Variants in ROBO1 observed in about 807,000 individuals in gnomAD.
ROBO1 encodes the protein roundabout guidance receptor 1, also known as roundabout homolog 1.
Under a neutral mutation model 195.9 loss-of-function variants are expected in ROBO1, and 149 were observed. The observed-to-expected ratio is 0.76, with a 90% confidence interval of 0.67 to 0.87. ROBO1 has a LOEUF of 0.87. Among genes scored for constraint, ROBO1 ranks in the 40% least tolerant of loss-of-function variants. The probability of loss-of-function intolerance (pLI) is 0.00; values close to 1 mark genes in which losing one functional copy is unlikely to be tolerated. For missense variants in ROBO1, 1,933 were observed against 2,068.3 expected (o/e 0.93, Z 1.27); for synonymous variants, 816 against 733.2 (o/e 1.11, Z -1.82).
intron 2 of ROBO1, among the ~76,000 whole-genome samples, chr3:79,416,465 C>T (rs923279718): frequency 6.8e-6 from 1 of 147,230 alleles, no homozygotes; most frequent in African/African-American, 2.5e-5. Context: ...ACAACAACAA[C>T]AAAAAATTAG....
chr3:79,105,822 G>T (rs1379524021), intron 3 of ROBO1, among the ~76,000 whole-genome samples: 1 of 151,714 alleles, frequency 6.6e-6, no homozygotes, highest in Non-Finnish European at 1.5e-5. Context: ...TCAGCGTAGT[G>T]TTGGTTTTGG....
At chr3:79,004,802 T>C (rs1417897244) in intron 3 of ROBO1, among the ~76,000 whole-genome samples, 2 of 152,184 alleles carry the variant, frequency 1.3e-5, no homozygotes, top group Non-Finnish European at 2.9e-5. Flanking sequence ...AAATCAATAA[T>C]TCCAACATAT....
At chr3:78,767,060 G>T (rs1231171577) in intron 4 of ROBO1, among the ~76,000 whole-genome samples, 1 of 152,124 alleles carries the variant, frequency 6.6e-6, no homozygotes, top group Non-Finnish European at 1.5e-5. Context: ...GTTCATCAAT[G>T]ATATAGGTCT....
At chr3:78,673,847 C>T (rs1451971745) in intron 10 of ROBO1, among the ~76,000 whole-genome samples, 1 of 151,470 alleles carries the variant, frequency 6.6e-6, no homozygotes, top group African/African-American at 2.4e-5. Flanking sequence ...TCACATTATA[C>T]ACCAATAAAC....
At chr3:79,610,167 G>T (rs1368527477) in intron 1 of ROBO1, among the ~76,000 whole-genome samples, 3 of 151,706 alleles carry the variant, frequency 2.0e-5, no homozygotes, top group African/African-American at 7.3e-5. Flanking sequence ...CTTTATCCGT[G>T]GGGGATACAT....
At chr3:79,506,985 C>T (rs1940433698) in intron 2 of ROBO1, among the ~76,000 whole-genome samples, 1 of 152,222 alleles carries the variant, frequency 6.6e-6, no homozygotes, top group Non-Finnish European at 1.5e-5. Context: ...ACTGCCAGTG[C>T]TTTATGCAGC....
At chr3:78,766,423 C>A (rs949023479) in intron 4 of ROBO1, among the ~76,000 whole-genome samples, 7 of 152,156 alleles carry the variant, frequency 4.6e-5, no homozygotes, top group African/African-American at 1.4e-4. Context: ...AGCTTGGTCG[C>A]TGTTGGTGTA....
intron 4 of ROBO1, among the ~76,000 whole-genome samples, chr3:78,776,199 A>G (rs544914846): frequency 1.6e-4 from 24 of 152,276 alleles, no homozygotes; most frequent in African/African-American, 5.1e-4. Context: ...GACTAACTGA[A>G]TGAACCTCAA....
intron 2 of ROBO1, among the ~76,000 whole-genome samples, chr3:79,217,734 T>A (rs2082078655): frequency 6.6e-6 from 1 of 152,002 alleles, no homozygotes; most frequent in African/African-American, 2.4e-5. Context: ...GGAGGGTATC[T>A]TATTTTTATT....
chr3:79,086,428 T>C (rs895622779), intron 3 of ROBO1, among the ~76,000 whole-genome samples: 2 of 152,176 alleles, frequency 1.3e-5, no homozygotes, highest in African/African-American at 2.4e-5. Context: ...TGTTTGATGA[T>C]TACTAGAGTA....
chr3:78,683,944 A>T (rs1324250067), intron 10 of ROBO1, among the ~76,000 whole-genome samples: 1 of 152,114 alleles, frequency 6.6e-6, no homozygotes, highest in African/African-American at 2.4e-5. Flanking sequence ...TTAATTACTT[A>T]ATCCCTAAAA....
chr3:78,624,119 T>C lies in ROBO1; in HGVS notation c.3875+3202A>G, dbSNP rs376332450. ...ATAAAAAGATAACAACGTGAAAAAA[T>C]GCTGTTCAGTGAAAAGGGTAGTTTA... On this transcript the variant is annotated intron_variant, in intron 26 of 30. Transcript: ENST00000464233. Among the ~76,000 whole-genome samples, 423 of 152,178 alleles carry C rather than the reference T, an allele frequency of 2.8e-3. 4 individuals are homozygous for C. The highest frequency in any genetic ancestry group is 9.6e-3 in the African/African-American group (399 of 41,528).
chr3:79,752,360 G>T (rs1208972030), intron 1 of ROBO1, among the ~76,000 whole-genome samples: 1 of 152,062 alleles, frequency 6.6e-6, no homozygotes, highest in Non-Finnish European at 1.5e-5. Flanking sequence ...AAGCACTCTG[G>T]TAGCAATGGA....
intron 3 of ROBO1, among the ~76,000 whole-genome samples, chr3:78,964,880 C>T (rs2076602804): frequency 6.9e-6 from 1 of 145,624 alleles, no homozygotes; most frequent in Non-Finnish European, 1.5e-5. Context: ...GACAGATTCT[C>T]TCTCTGTTAC....
chr3:79,448,627 C>T (rs1484815937), intron 2 of ROBO1, among the ~76,000 whole-genome samples: 2 of 152,010 alleles, frequency 1.3e-5, no homozygotes, highest in South Asian at 2.1e-4. Flanking sequence ...TTTTCCTCAC[C>T]GCGATATGAG....
At chr3:79,136,938 T>C (rs1363537087) in intron 2 of ROBO1, among the ~76,000 whole-genome samples, 3 of 152,082 alleles carry the variant, frequency 2.0e-5, no homozygotes, top group Admixed American at 6.6e-5. Context: ...ATCTATGTAC[T>C]GTAGAACATT....
intron 1 of ROBO1, among the ~76,000 whole-genome samples, chr3:79,650,262 A>G (rs1452138937): frequency 1.3e-5 from 2 of 151,794 alleles, no homozygotes; most frequent in Non-Finnish European, 2.9e-5. Context: ...TAGATAATAA[A>G]ATGTATAATC....
chr3:79,304,901 C>T (rs2033148423), intron 2 of ROBO1, among the ~76,000 whole-genome samples: 2 of 152,152 alleles, frequency 1.3e-5, no homozygotes, highest in Non-Finnish European at 2.9e-5. Context: ...GAATGACTGG[C>T]TCATATGGTA....
At chr3:78,693,480 A>C (rs533278888) in intron 8 of ROBO1, 218 of 708,618 alleles carry the variant, frequency 3.1e-4, no homozygotes, top group Admixed American at 6.0e-4. Context: ...ACATGTTAAT[A>C]CTTGAATATA....
Sources: allele counts gnomAD v4.1 joint callset (sites outside exome capture counted in the v4.1 genomes callset), GRCh38; gene constraint gnomAD v4.1.1; transcripts MANE v1.5; gene names NCBI Gene and HGNC (gene_info 2026-07-23, HGNC 2026-07-21).